Variants in HS3ST1 observed in about 807,000 individuals in gnomAD.
HS3ST1 encodes the protein heparan sulfate glucosamine 3-O-sulfotransferase 1.
A neutral mutation model predicts 20.7 loss-of-function variants in HS3ST1; 8 were observed. The observed-to-expected ratio is 0.39, with a 90% CI of 0.23 to 0.70. HS3ST1 has a LOEUF of 0.70. HS3ST1 is among the 30% of genes least tolerant of loss of function. HS3ST1 has a pLI of 0.46. For missense variants in HS3ST1, 436 were observed against 423.4 expected (o/e 1.03, Z -0.26); for synonymous variants, 205 against 190.4 (o/e 1.08, Z -0.63).
At chr4:11,405,551 T>C (rs559197640) in intron 1 of HS3ST1, among the ~76,000 whole-genome samples, 13 of 152,194 alleles carry the variant, frequency 8.5e-5, no homozygotes, top group Non-Finnish European at 1.9e-4. Context: ...ATACTAGACA[T>C]TTTGTTTGCT....
At chr4:11,412,114 G>A (rs1166796195) in intron 1 of HS3ST1, among the ~76,000 whole-genome samples, 2 of 152,162 alleles carry the variant, frequency 1.3e-5, no homozygotes, top group Non-Finnish European at 2.9e-5. Context: ...TTCTATTCAG[G>A]TAATCAATAA....
intron 1 of HS3ST1, among the ~76,000 whole-genome samples, chr4:11,404,849 A>G (rs1718420685): frequency 6.6e-6 from 1 of 152,250 alleles, no homozygotes; most frequent in Non-Finnish European, 1.5e-5. Context: ...CTAGACTGGC[A>G]ACTTTCCACA....
At chr4:11,402,841 G>A (rs1241183364) in intron 1 of HS3ST1, among the ~76,000 whole-genome samples, 2 of 152,200 alleles carry the variant, frequency 1.3e-5, no homozygotes, top group African/African-American at 2.4e-5. Flanking sequence ...TACATCTGAG[G>A]TTTCTTTCCT....
chr4:11,415,034 TG>T (rs1718735831), intron 1 of HS3ST1, among the ~76,000 whole-genome samples: 1 of 152,216 alleles, frequency 6.6e-6, no homozygotes, highest in East Asian at 1.9e-4. Flanking sequence ...TCCAATGAGA[TG>T]AAAGAAACTG....
intron 1 of HS3ST1, among the ~76,000 whole-genome samples, chr4:11,411,419 C>T (rs1479093843): frequency 6.6e-6 from 1 of 152,200 alleles, no homozygotes; most frequent in Admixed American, 6.5e-5. Context: ...TTTAAAGTGT[C>T]ATTCAAGTTG....
intron 1 of HS3ST1, among the ~76,000 whole-genome samples, chr4:11,410,737 C>A (rs1464551633): frequency 6.6e-6 from 1 of 151,978 alleles, no homozygotes; most frequent in Non-Finnish European, 1.5e-5. Flanking sequence ...ACTAAAAATA[C>A]AAAAATTAGC....
upstream of HS3ST1, among the ~76,000 whole-genome samples, chr4:11,431,162 T>C (rs1225806292): frequency 6.6e-6 from 1 of 150,556 alleles, no homozygotes; most frequent in Non-Finnish European, 1.5e-5. Flanking sequence ...GATTTAATGA[T>C]GAATCCTCCA....
chr4:11,400,412 A>G (rs908570612), intron 1 of HS3ST1, among the ~76,000 whole-genome samples: 2 of 152,208 alleles, frequency 1.3e-5, no homozygotes, highest in Non-Finnish European at 2.9e-5. Context: ...CACTCTATTT[A>G]TGGGCACTGA....
rs1304371354 is a variant in HS3ST1, at chr4:11,399,533, G to C, written c.473C>G (p.Thr158Ser). The C allele has an allele frequency of 6.2e-7, 1 of 1,613,986 alleles. No homozygotes were observed. Among genetic ancestry groups the C allele is most frequent in the Non-Finnish European group, 8.5e-7 (1 of 1,180,032 alleles). ...DPSERVLSDY[T>S]QVFYNHMQKH... The stretch of plus-strand genomic sequence containing the variant: ...CTGCATGTGGTTGTAGAACACTTGG[G>C]TGTAGTCAGATAGCACGCGCTCCGA... The change falls in exon 2 of 2, where the codon ACC becomes AGC. Residue 158 changes from threonine (T) to serine (S), a missense_variant. Transcript: ENST00000002596. The surrounding 1 kb of genome is among the most constrained non-coding windows in gnomAD (Gnocchi z 5.1).
intron 1 of HS3ST1, among the ~76,000 whole-genome samples, chr4:11,403,124 A>T (rs1412835363): frequency 1.3e-5 from 2 of 152,224 alleles, no homozygotes; most frequent in African/African-American, 4.8e-5. Flanking sequence ...TATAGCATAT[A>T]TATCATGTGT....
chr4:11,419,010 T>C lies in HS3ST1; in HGVS notation c.-109+9689A>G, dbSNP rs560716229. Among the ~76,000 whole-genome samples, 10 of 152,176 alleles carry C rather than the reference T, an allele frequency of 6.6e-5. No individual in the cohort carries two copies. The South Asian group carries it at 1.2e-3, about 19-fold the overall frequency. Reference sequence around the variant, plus strand: ...AGGGAGTGGCATGTACCACTCTCAGTGGTCTGGCTGCGTTGGGGTTTACTC... The same window carrying C: ...AGGGAGTGGCATGTACCACTCTCAGCGGTCTGGCTGCGTTGGGGTTTACTC... On this transcript the variant is annotated intron_variant, in intron 1 of 1. Transcript: ENST00000002596.
upstream of HS3ST1, chr4:11,429,842 G>A (rs1719170330): frequency 6.6e-6 from 1 of 151,696 alleles, no homozygotes; most frequent in Admixed American, 6.6e-5. Context: ...GAATCGCCTT[G>A]GAGAAACGGG....
upstream of HS3ST1, among the ~76,000 whole-genome samples, chr4:11,432,331 C>T (rs1274612098): frequency 6.6e-6 from 1 of 152,102 alleles, no homozygotes; most frequent in Non-Finnish European, 1.5e-5. Flanking sequence ...AGGTTAATAG[C>T]ATGAATATTA....
chr4:11,414,388 A>G (rs571843173), intron 1 of HS3ST1, among the ~76,000 whole-genome samples: 5 of 152,212 alleles, frequency 3.3e-5, no homozygotes, highest in Non-Finnish European at 7.4e-5. Context: ...CCTGCTTCTC[A>G]CAACCTTCTC....
rs1718060690 is a variant in HS3ST1, at chr4:11,393,537, G to A, written c.*5545C>T. On this transcript the variant is annotated 3_prime_UTR_variant, in exon 2 of 2. Coordinates refer to ENST00000002596, the MANE Select transcript of HS3ST1 (RefSeq NM_005114.4). ...GATGGTCTAGAAGCAAAGTCTGAGGGGGGATTCCTGTTTTCTTGGGAAACA... is the reference window on the plus strand; with the variant it reads ...GATGGTCTAGAAGCAAAGTCTGAGGAGGGATTCCTGTTTTCTTGGGAAACA... 2 of 152,198 alleles carry A rather than the reference G, an allele frequency of 1.3e-5. No homozygotes were observed. The highest frequency in any genetic ancestry group is 1.9e-4 in the East Asian group (1 of 5,194). The allele number at this position is 152,198 out of a possible 1,614,324, so 9.4% of individuals were successfully genotyped here.
chr4:11,423,476 C>G (rs2108890809), intron 1 of HS3ST1, among the ~76,000 whole-genome samples: 1 of 152,284 alleles, frequency 6.6e-6, no homozygotes, highest in Non-Finnish European at 1.5e-5. Flanking sequence ...CTGATATTTC[C>G]TATCACTTTC....
intron 1 of HS3ST1, among the ~76,000 whole-genome samples, chr4:11,414,977 A>G (rs937990584): frequency 5.9e-5 from 9 of 152,166 alleles, no homozygotes; most frequent in Admixed American, 3.9e-4. Flanking sequence ...ATCCCAAGGA[A>G]CCCACTGTGT....
rs1718060832 is a variant in HS3ST1 at position 11,393,543 on chromosome 4, T to A, written c.*5539A>T. 1 of 152,214 alleles carries A rather than the reference T, an allele frequency of 6.6e-6. No individual in the cohort carries two copies. Among genetic ancestry groups the A allele is most frequent in the African/African-American group, 2.4e-5 (1 of 41,452 alleles). 9.4% of individuals were successfully genotyped at this position (152,214 alleles called of 1,614,324 possible). ...CTAGAAGCAAAGTCTGAGGGGGGAT[T>A]CCTGTTTTCTTGGGAAACACATTTA... On this transcript the variant is annotated 3_prime_UTR_variant, in exon 2 of 2. Coordinates refer to ENST00000002596, the MANE Select transcript of HS3ST1 (RefSeq NM_005114.4).
chr4:11,417,337 C>G (rs1345963048), intron 1 of HS3ST1, among the ~76,000 whole-genome samples: 1 of 152,204 alleles, frequency 6.6e-6, no homozygotes, highest in Non-Finnish European at 1.5e-5. Context: ...TGGGTGACCA[C>G]TGTCTGCCAG....
Sources: gnomAD v4.1 joint callset for allele counts (sites outside exome capture counted in the v4.1 genomes callset) on GRCh38, gnomAD v4.1.1 for gene constraint, Gnocchi (gnomAD v3.1) non-coding constraint, MANE v1.5 for transcripts, NCBI Gene and HGNC (gene_info 2026-07-23, HGNC 2026-07-21) for gene names.